Variants in HOXC4 observed in about 807,000 individuals in gnomAD.
The protein encoded by HOXC4 is homeobox protein Hox-C4.
HOXC4 carries 15 observed loss-of-function variants against 25.5 expected under a neutral mutation model. That is an observed-to-expected ratio of 0.59 (90% confidence interval 0.39 to 0.91). HOXC4 has a LOEUF of 0.91. Ranked by LOEUF, HOXC4 falls within the 40% of genes least tolerant of loss-of-function variation. HOXC4 has a pLI of 0.00. For synonymous variants in HOXC4, 165 were observed against 148.0 expected (o/e 1.11, Z -0.83); for missense variants, 342 against 352.4 (o/e 0.97, Z 0.24).
chr12:54,017,913 C>T (rs1033693551), intron 1 of HOXC4, among the ~76,000 whole-genome samples: 43 of 152,202 alleles, frequency 2.8e-4, no homozygotes, highest in Admixed American at 1.3e-3. Flanking sequence ...GCAGCCCCCT[C>T]CCTCCCAGAG....
chr12:54,027,340 G>C (rs1464861048), intron 1 of HOXC4, among the ~76,000 whole-genome samples: 1 of 152,196 alleles, frequency 6.6e-6, no homozygotes, highest in Non-Finnish European at 1.5e-5. Context: ...CTCCACTGGC[G>C]GTGCCCTGAG....
At chr12:54,019,545 C>G (rs961250542) in intron 1 of HOXC4, among the ~76,000 whole-genome samples, 37 of 152,318 alleles carry the variant, frequency 2.4e-4, no homozygotes, top group Admixed American at 1.4e-3. Flanking sequence ...TGTCCGCCCC[C>G]GCCCCTGTGG....
intron 1 of HOXC4, among the ~76,000 whole-genome samples, chr12:54,031,773 G>A (rs12578935): frequency 0.023 from 3,567 of 152,260 alleles, 179 homozygotes; most frequent in East Asian, 0.19. Flanking sequence ...AAGCAGGCAG[G>A]GAAGTATGAG....
At chr12:54,041,440 G>A (rs1428739425) in intron 1 of HOXC4, among the ~76,000 whole-genome samples, 1 of 152,176 alleles carries the variant, frequency 6.6e-6, no homozygotes, top group East Asian at 1.9e-4. Context: ...ATGGACTGTG[G>A]CACCTGGACC....
chr12:54,044,010 C>T (rs1160682211), intron 1 of HOXC4, among the ~76,000 whole-genome samples: 1 of 150,618 alleles, frequency 6.6e-6, no homozygotes, highest in East Asian at 2.0e-4. Flanking sequence ...TATGTTGTGT[C>T]TCTCCCCATC....
intron 1 of HOXC4, chr12:54,033,495 A>G: frequency 1.3e-6 from 2 of 1,592,304 alleles, no homozygotes; most frequent in Non-Finnish European, 1.7e-6. Flanking sequence ...GCAGGCGCAG[A>G]CAGGGCAGCC....
In HOXC4 at chr12:54,055,146, C is replaced by T. The variant is rs777176523; in HGVS notation, c.736C>T (p.His246Tyr). 4 of 1,613,212 alleles carry T rather than the reference C, an allele frequency of 2.5e-6. No homozygotes were observed. In the African/African-American group the frequency reaches 4.0e-5, roughly 16 times the overall value. ...AGCTACCCCGGGTACTTCTGAAGAC[C>T]ACTCCCAGAGCGCCACGCCGCCGGA... ...SAATPGTSED[H>Y]SQSATPPEQQ... The change falls in exon 2 of 2, where the codon CAC becomes TAC. Residue 246 changes from histidine to tyrosine, a missense_variant. Physicochemically the swap from His to Tyr is moderately conservative, Grantham distance 83 (BLOSUM62 2). Transcript: ENST00000430889.
At chr12:54,050,548 C>A (rs1434918352), upstream of HOXC4, among the ~76,000 whole-genome samples, 3 of 151,984 alleles carry the variant, frequency 2.0e-5, no homozygotes, top group Non-Finnish European at 4.4e-5. Flanking sequence ...GCTTTAGTAC[C>A]CCCACCCCCT....
rs931673428 is a variant in HOXC4, at chr12:54,033,377, T to C, written c.-124+15963T>C. ...GCGCCGCGGCCGCTCCGGGACACGC[T>C]CCGGGCAGAGACGAAGCGGCTCCTC... On this transcript the variant is annotated intron_variant, in intron 1 of 3. Transcript: ENST00000303406. The C allele has an allele frequency of 1.9e-6, 3 of 1,612,882 alleles. No individual in the cohort carries two copies. In the Admixed American group the frequency reaches 5.0e-5, roughly 27 times the overall value.
At chr12:54,043,968 T>TG (rs1565750575) in intron 1 of HOXC4, among the ~76,000 whole-genome samples, 1,172 of 60,464 alleles carry the variant, frequency 0.019, 21 homozygotes, top group Middle Eastern at 0.034. Flanking sequence ...GTGTGTGTGT[T>TG]TAGGGAGTAG....
rs1565755935 is a variant in HOXC4, at chr12:54,055,585, A to G, written c.*380A>G. On this transcript the variant is annotated 3_prime_UTR_variant, in exon 2 of 2. Coordinates refer to ENST00000430889, the MANE Select transcript of HOXC4 (RefSeq NM_153633.3). ...GAATTTCAGGGGAAATGAGGAAAAG[A>G]AAAAAGGAAAGAAATTTTAAAGCCA... is the stretch of plus-strand genomic sequence containing the variant. 6.6e-6 allele frequency: 1 copy of G among 152,442 alleles called. No individual in the cohort carries two copies. Among genetic ancestry groups the G allele is most frequent in the Non-Finnish European group, 1.5e-5 (1 of 68,018 alleles). The allele number at this position is 152,442 out of a possible 1,614,324, so 9.4% of individuals were successfully genotyped here.
chr12:54,023,224 A>C (rs1356444956), intron 1 of HOXC4, among the ~76,000 whole-genome samples: 1 of 152,158 alleles, frequency 6.6e-6, no homozygotes, highest in Non-Finnish European at 1.5e-5. Context: ...TTCCAGATGG[A>C]GCTGGAAGGG....
At chr12:54,051,116 G>C (rs751925721), upstream of HOXC4, among the ~76,000 whole-genome samples, 1 of 152,118 alleles carries the variant, frequency 6.6e-6, no homozygotes, top group African/African-American at 2.4e-5. Context: ...GAGGGTTAGC[G>C]TCAGGGCACG....
At chr12:54,052,793 G>A (rs188999918), upstream of HOXC4, among the ~76,000 whole-genome samples, 3 of 152,128 alleles carry the variant, frequency 2.0e-5, no homozygotes, top group Admixed American at 6.5e-5. Context: ...TTAGGAATTC[G>A]TGTTTACATG....
chr12:54,026,784 A>G (rs993451896), intron 1 of HOXC4, among the ~76,000 whole-genome samples: 1 of 152,142 alleles, frequency 6.6e-6, no homozygotes, highest in African/African-American at 2.4e-5. Context: ...CTCCAGGGAA[A>G]CCTTAACGTT....
chr12:54,031,738 G>A (rs914021546), intron 1 of HOXC4, among the ~76,000 whole-genome samples: 3 of 152,318 alleles, frequency 2.0e-5, no homozygotes, highest in African/African-American at 4.8e-5. Context: ...GCCTTCTCCT[G>A]GCGGGGCGGA....
At chr12:54,028,467 G>A in intron 1 of HOXC4, 1 of 1,558,046 alleles carries the variant, frequency 6.4e-7, no homozygotes, top group African/African-American at 1.4e-5. Context: ...AGTACAAACT[G>A]GAGACAGAAA....
intron 1 of HOXC4, among the ~76,000 whole-genome samples, chr12:54,027,273 G>A (rs1940760971): frequency 6.6e-6 from 1 of 152,204 alleles, no homozygotes; most frequent in Admixed American, 6.5e-5. Context: ...TTGGGTGAGA[G>A]CTCCTTAGAA....
At position 54,054,186 on chromosome 12, in the gene HOXC4, C is replaced by T; in HGVS notation, c.264C>T (p.His88=). Residue 88 remains histidine, a synonymous_variant, in exon 1 of 2, where the codon CAC becomes CAT. Coordinates refer to ENST00000430889, the MANE Select transcript of HOXC4 (RefSeq NM_153633.3). ...SRGHGPAQAG[H]HHPEKSQSLC... ...GCCACGGGCCGGCCCAGGCGGGCCACCACCACCCCGAGAAATCACAGTCGC... is the reference window on the plus strand; with the variant it reads ...GCCACGGGCCGGCCCAGGCGGGCCATCACCACCCCGAGAAATCACAGTCGC... The T allele has an allele frequency of 6.2e-7, 1 of 1,613,494 alleles. No homozygotes were observed.
Sources: gnomAD v4.1 joint callset for allele counts (sites outside exome capture counted in the v4.1 genomes callset) on GRCh38, gnomAD v4.1.1 for gene constraint, MANE v1.5 for transcripts, NCBI Gene and HGNC (gene_info 2026-07-23, HGNC 2026-07-21) for gene names.